Variants in SPAG16 observed in about 807,000 individuals in gnomAD.
The protein encoded by SPAG16 is sperm-associated antigen 16 protein.
A neutral mutation model predicts 80.4 loss-of-function variants in SPAG16; 86 were observed. That is an observed-to-expected ratio of 1.07 (90% CI 0.90 to 1.28). The LOEUF (loss-of-function observed/expected upper bound fraction) is 1.28. Among genes scored for constraint, SPAG16 ranks in the 50% most tolerant of loss-of-function variants. The pLI is 0.00. For synonymous variants in SPAG16, 294 were observed against 265.9 expected, an observed-to-expected ratio of 1.11 and a Z score of -1.03; for missense variants, 870 against 765.3, an observed-to-expected ratio of 1.14 and a Z score of -1.61.
chr2:213,361,479 A>G (rs568018457), intron 7 of SPAG16, among the ~76,000 whole-genome samples: 4 of 151,288 alleles, frequency 2.6e-5, no homozygotes, highest in Non-Finnish European at 5.9e-5. Context: ...CTCCACCAGT[A>G]ATGAACATAT....
chr2:213,689,780 A>G (rs959945204), intron 10 of SPAG16, among the ~76,000 whole-genome samples: 20 of 152,166 alleles, frequency 1.3e-4, no homozygotes, highest in Admixed American at 3.3e-4. Context: ...AATTGTTTAC[A>G]GATGTCTGGA....
intron 10 of SPAG16, among the ~76,000 whole-genome samples, chr2:213,562,714 T>C (rs2059632781): frequency 1.3e-5 from 2 of 151,794 alleles, no homozygotes. Flanking sequence ...CCTCACGTGG[T>C]GGAAGGGGCA....
intron 12 of SPAG16, among the ~76,000 whole-genome samples, chr2:214,002,634 G>T (rs1046318651): frequency 2.6e-5 from 4 of 152,150 alleles, no homozygotes; most frequent in African/African-American, 7.2e-5. Flanking sequence ...GTCCAAACCT[G>T]AAGGTCTGTG....
chr2:213,767,367 A>T (rs977676008), intron 10 of SPAG16, among the ~76,000 whole-genome samples: 38 of 152,138 alleles, frequency 2.5e-4, no homozygotes, highest in African/African-American at 7.5e-4. Context: ...GTAGGTAGGA[A>T]TATTAGAAAG....
At chr2:213,607,114 GT>G (rs1008704688) in intron 10 of SPAG16, among the ~76,000 whole-genome samples, 2 of 152,050 alleles carry the variant, frequency 1.3e-5, no homozygotes, top group Non-Finnish European at 2.9e-5. Context: ...GATCAGTTTC[GT>G]TTTGATTTAA....
intron 9 of SPAG16, among the ~76,000 whole-genome samples, chr2:213,387,429 C>CTTTTTTTTTTTTTTTTTTTTT (rs1491308938): frequency 4.2e-5 from 3 of 71,760 alleles, no homozygotes; most frequent in Non-Finnish European, 2.4e-5. Context: ...GAAATGCATG[C>CTTTTTTTTTTTTTTTTTTTTT]TCTTTTTTTT....
intron 8 of SPAG16, among the ~76,000 whole-genome samples, chr2:213,371,170 A>G (rs556797462): frequency 2.0e-5 from 3 of 152,216 alleles, no homozygotes; most frequent in Middle Eastern, 3.4e-3. Context: ...GCTCTTTGGG[A>G]AGCCGACGCA....
At chr2:214,105,192 G>A (rs11885827) in intron 13 of SPAG16, among the ~76,000 whole-genome samples, 13,310 of 152,056 alleles carry the variant, frequency 0.088, 765 homozygotes, top group East Asian at 0.29. Context: ...GAATCTGAGG[G>A]CAACAGAACA....
intron 15 of SPAG16, among the ~76,000 whole-genome samples, chr2:214,230,811 G>C (rs777227711): frequency 1.9e-4 from 29 of 151,798 alleles, no homozygotes; most frequent in Admixed American, 3.3e-4. Context: ...CAATGAGGAG[G>C]GGTCATTACA....
At chr2:213,585,649 T>C (rs1228819129) in intron 10 of SPAG16, among the ~76,000 whole-genome samples, 2 of 152,332 alleles carry the variant, frequency 1.3e-5, no homozygotes, top group South Asian at 4.1e-4. Context: ...GCTAAACATA[T>C]TAATTTCATC....
At chr2:214,172,725 A>C (rs899230681) in intron 15 of SPAG16, among the ~76,000 whole-genome samples, 6 of 151,978 alleles carry the variant, frequency 3.9e-5, no homozygotes, top group Non-Finnish European at 8.8e-5. Flanking sequence ...CAACAGTGTA[A>C]AAGTGTTCCT....
chr2:213,814,776 G>A (rs1181514147), intron 10 of SPAG16, among the ~76,000 whole-genome samples: 1 of 133,722 alleles, frequency 7.5e-6, no homozygotes, highest in Non-Finnish European at 1.6e-5. Flanking sequence ...GTGACACAAT[G>A]AGGCTCTGTC....
In SPAG16 at chr2:214,294,015, T is replaced by C. The variant is rs368186168; in HGVS notation, c.1721-116125T>C. On this transcript the variant is annotated intron_variant, in intron 15 of 15. Coordinates refer to ENST00000331683, the MANE Select transcript of SPAG16 (RefSeq NM_024532.5). ...TGAAATGTCTGGCTTCCCTTATCTC[T>C]CCCTGGACTGACTGTAGCAGTAGCA... is the stretch of plus-strand genomic sequence containing the variant. 4.6e-5 allele frequency among the ~76,000 whole-genome samples: 7 copies of C among 152,308 alleles called. No individual in the cohort carries two copies. In the East Asian group the frequency reaches 1.2e-3, roughly 25 times the overall value.
At chr2:213,620,640 A>C (rs1185215539) in intron 10 of SPAG16, among the ~76,000 whole-genome samples, 4 of 152,108 alleles carry the variant, frequency 2.6e-5, no homozygotes, top group African/African-American at 9.7e-5. Context: ...GAATGTTCCC[A>C]ACATAAAGGT....
chr2:214,081,670 G>A (rs1291847773), intron 13 of SPAG16, among the ~76,000 whole-genome samples: 3 of 152,122 alleles, frequency 2.0e-5, no homozygotes, highest in Admixed American at 6.5e-5. Flanking sequence ...CCACTACTGG[G>A]AGAAAATTCA....
chr2:213,617,828 A>G (rs768532749), intron 10 of SPAG16, among the ~76,000 whole-genome samples: 8 of 152,074 alleles, frequency 5.3e-5, no homozygotes, highest in Non-Finnish European at 8.8e-5. Flanking sequence ...AATAAAATGA[A>G]TAAGTAAATG....
intron 11 of SPAG16, among the ~76,000 whole-genome samples, chr2:213,915,290 C>T (rs187274407): frequency 6.6e-6 from 1 of 152,166 alleles, no homozygotes; most frequent in African/African-American, 2.4e-5. Flanking sequence ...GTCCCCCACC[C>T]CTCAGCAGGC....
intron 9 of SPAG16, among the ~76,000 whole-genome samples, chr2:213,388,753 T>G (rs2067582520): frequency 6.6e-6 from 1 of 152,140 alleles, no homozygotes; most frequent in Non-Finnish European, 1.5e-5. Flanking sequence ...GTCAAAAGAA[T>G]AAAGTACTTA....
At chr2:214,407,927 A>G (rs1702089860) in intron 15 of SPAG16, among the ~76,000 whole-genome samples, 1 of 152,178 alleles carries the variant, frequency 6.6e-6, no homozygotes, top group African/African-American at 2.4e-5. Flanking sequence ...ACTTATATTC[A>G]TTTTAGGAAT....
Sources: allele counts gnomAD v4.1 joint callset (sites outside exome capture counted in the v4.1 genomes callset), GRCh38; gene constraint gnomAD v4.1.1; transcripts MANE v1.5; gene names NCBI Gene and HGNC (gene_info 2026-07-23, HGNC 2026-07-21).